The following AJAP1 variants were observed in gnomAD, a reference collection of about 807,000 sequenced individuals.
The protein encoded by AJAP1 is adherens junction-associated protein 1.
In AJAP1, 5 loss-of-function variants were observed where a neutral mutation model predicts 35.0. That is an observed-to-expected ratio of 0.14 (90% CI 0.07 to 0.30). The LOEUF (loss-of-function observed/expected upper bound fraction) is 0.30. Ranked by LOEUF, AJAP1 falls within the 10% of genes least tolerant of loss-of-function variation. The probability of loss-of-function intolerance (pLI) is 1.00; values close to 1 mark genes in which losing one functional copy is unlikely to be tolerated. For synonymous variants in AJAP1, 284 were observed against 249.3 expected, an observed-to-expected ratio of 1.14 and a Z score of -1.31; for missense variants, 586 against 571.0, an observed-to-expected ratio of 1.03 and a Z score of -0.27.
chr1:4,746,960 C>A lies in AJAP1; in HGVS notation c.830-22893C>A, dbSNP rs371554876. Among the ~76,000 whole-genome samples, 59 of 152,320 alleles carry A rather than the reference C, an allele frequency of 3.9e-4. 1 individual carries two copies. The highest frequency in any genetic ancestry group is 1.3e-3 in the African/African-American group (52 of 41,570). The stretch of plus-strand genomic sequence containing the variant: ...TGATAGGAGCGCCAAGGTAAAAGCA[C>A]CAGATTAGTCTGCAGAGAAGAGATT... On this transcript the variant is annotated intron_variant, in intron 2 of 5. Coordinates refer to ENST00000378191, the MANE Select transcript of AJAP1 (RefSeq NM_018836.4).
chr1:4,694,830 G>A (rs1387430491), intron 1 of AJAP1, among the ~76,000 whole-genome samples: 3 of 152,190 alleles, frequency 2.0e-5, no homozygotes, highest in Non-Finnish European at 4.4e-5. Context: ...TGAGCACAGT[G>A]GAAGCGAACA....
At chr1:4,688,121 T>G (rs1257953006) in intron 1 of AJAP1, among the ~76,000 whole-genome samples, 5 of 152,138 alleles carry the variant, frequency 3.3e-5, no homozygotes, top group Non-Finnish European at 7.4e-5. Context: ...GAGGCTGGGC[T>G]GTGCTGGACG....
chr1:4,700,613 T>G (rs1210885851), intron 1 of AJAP1, among the ~76,000 whole-genome samples: 1 of 152,186 alleles, frequency 6.6e-6, no homozygotes, highest in Admixed American at 6.5e-5. Flanking sequence ...GTCTGTCCCT[T>G]TGCTCAGGGG....
In AJAP1 at chr1:4,712,234, G is replaced by C. The variant is rs1423144396; in HGVS notation, c.364G>C (p.Ala122Pro). ...VPKAGLAKPP[A>P]AAKSSPSLAS... Reference sequence around the variant, plus strand: ...CAAGGCAGGACTGGCCAAGCCCCCAGCTGCTGCCAAATCCAGCCCTTCCCT... The same window carrying C: ...CAAGGCAGGACTGGCCAAGCCCCCACCTGCTGCCAAATCCAGCCCTTCCCT... The change falls in exon 2 of 6, where the codon GCT (alanine) becomes CCT (proline). Residue 122 changes from alanine to proline, a missense_variant. Physicochemically the swap from Ala to Pro is conservative, Grantham distance 27. Transcript: ENST00000378191. 6.5e-7 allele frequency: 1 copy of C among 1,535,770 alleles called. No homozygotes were observed. Among genetic ancestry groups the C allele is most frequent in the East Asian group, 2.3e-5 (1 of 43,468 alleles).
At chr1:4,729,366 C>T (rs979625388) in intron 2 of AJAP1, among the ~76,000 whole-genome samples, 15 of 152,206 alleles carry the variant, frequency 9.9e-5, no homozygotes, top group African/African-American at 3.6e-4. Flanking sequence ...CCCTGTGAGA[C>T]TTGGAGCTGC....
intron 2 of AJAP1, among the ~76,000 whole-genome samples, chr1:4,760,590 C>G (rs983240204): frequency 6.6e-6 from 1 of 152,218 alleles, no homozygotes; most frequent in Non-Finnish European, 1.5e-5. Flanking sequence ...CCACATTTCC[C>G]GGCCACGATG....
At chr1:4,779,208 A>G (rs964020610) in intron 5 of AJAP1, among the ~76,000 whole-genome samples, 3 of 152,208 alleles carry the variant, frequency 2.0e-5, no homozygotes, top group Non-Finnish European at 2.9e-5. Context: ...TGCAACTTGA[A>G]ATCAGGGAAG....
rs1196162889 is a variant in AJAP1 at position 4,787,394 on chromosome 1, AC to A, written c.*4910del. 2 of 272,486 alleles carry A rather than the reference AC, an allele frequency of 7.3e-6. No homozygotes were observed. The highest frequency in any genetic ancestry group is 6.2e-5 in the South Asian group (2 of 32,156). The allele number at this position is 272,486 out of a possible 1,614,324, so 16.9% of individuals were successfully genotyped here. ...GAAGAAAGAGAGGCAGGGGTTGTCT[AC>A]GTCTCCTCCTCCTGCGACCCATCAC... On this transcript the variant is annotated 3_prime_UTR_variant, in exon 6 of 6. Coordinates refer to ENST00000378191, the MANE Select transcript of AJAP1 (RefSeq NM_018836.4).
At position 4,712,240 on chromosome 1, in the gene AJAP1, G is replaced by A. The variant is rs1441808548; in HGVS notation, c.370G>A (p.Ala124Thr). ...KAGLAKPPAA[A>T]KSSPSLASSS... ...AGGACTGGCCAAGCCCCCAGCTGCT[G>A]CCAAATCCAGCCCTTCCCTCGCCTC... The change falls in exon 2 of 6, where the codon GCC (alanine) becomes ACC (threonine). Residue 124 changes from alanine (A) to threonine (T), a missense_variant. Coordinates refer to ENST00000378191, the MANE Select transcript of AJAP1 (RefSeq NM_018836.4). 1 of 1,531,104 alleles carries A rather than the reference G, an allele frequency of 6.5e-7. No homozygotes were observed. Among genetic ancestry groups the A allele is most frequent in the East Asian group, 2.3e-5 (1 of 43,394 alleles). The allele number at this position is 1,531,104 out of a possible 1,614,324, so 94.8% of individuals were successfully genotyped here. A position where few individuals can be genotyped will look rare whatever the true frequency, so the allele number is the denominator to read the frequency against.
At chr1:4,682,050 G>A (rs1434655338) in intron 1 of AJAP1, among the ~76,000 whole-genome samples, 1 of 152,202 alleles carries the variant, frequency 6.6e-6, no homozygotes, top group Non-Finnish European at 1.5e-5. Flanking sequence ...AAGTGCCAGG[G>A]CTGGGATCAC....
chr1:4,775,142 G>T (rs1299999653), intron 5 of AJAP1, among the ~76,000 whole-genome samples: 1 of 152,180 alleles, frequency 6.6e-6, no homozygotes, highest in Non-Finnish European at 1.5e-5. Flanking sequence ...AATTTTCCAC[G>T]CTCTGCTGGA....
At chr1:4,705,334 C>A (rs1640077489) in intron 1 of AJAP1, among the ~76,000 whole-genome samples, 1 of 136,822 alleles carries the variant, frequency 7.3e-6, no homozygotes, top group Admixed American at 7.6e-5. Flanking sequence ...TGGGCAAGGA[C>A]TTCATGTCTA....
intron 2 of AJAP1, among the ~76,000 whole-genome samples, chr1:4,750,640 G>A (rs143940890): frequency 1.2e-3 from 175 of 151,880 alleles, no homozygotes; most frequent in African/African-American, 4.1e-3. Context: ...TAGGAGCAGG[G>A]CTGGAGGTAG....
In AJAP1 at chr1:4,784,735, G is replaced by C. The variant is rs1383083193; in HGVS notation, c.*2250G>C. The C allele has an allele frequency of 6.6e-6, 1 of 152,248 alleles. No individual in the cohort carries two copies. Among genetic ancestry groups the C allele is most frequent in the Non-Finnish European group, 1.5e-5 (1 of 68,074 alleles). The allele number at this position is 152,248 out of a possible 1,614,324, so 9.4% of individuals were successfully genotyped here. A position where few individuals can be genotyped will look rare whatever the true frequency, so the allele number is the denominator to read the frequency against. On this transcript the variant is annotated 3_prime_UTR_variant, in exon 6 of 6. Transcript: ENST00000378191. ...GTCATTTATTTTCCCCCCAAGCTTTGGCACATCCTGAGACAATGCAAACAT... is the reference window on the plus strand; with the variant it reads ...GTCATTTATTTTCCCCCCAAGCTTTCGCACATCCTGAGACAATGCAAACAT...
intron 1 of AJAP1, among the ~76,000 whole-genome samples, chr1:4,705,771 A>C (rs1019963675): frequency 3.3e-5 from 5 of 152,096 alleles, no homozygotes; most frequent in African/African-American, 1.2e-4. Flanking sequence ...GCCACAGAGA[A>C]AGCCTGAGAA....
intron 1 of AJAP1, among the ~76,000 whole-genome samples, chr1:4,706,593 C>G (rs1463173299): frequency 6.6e-6 from 1 of 152,160 alleles, no homozygotes; most frequent in Non-Finnish European, 1.5e-5. Flanking sequence ...GGGCTGTTCC[C>G]CGGTGGAACA....
chr1:4,748,953 A>G (rs1461431327), intron 2 of AJAP1, among the ~76,000 whole-genome samples: 2 of 152,084 alleles, frequency 1.3e-5, no homozygotes, highest in Admixed American at 6.5e-5. Context: ...ACTGTGAGAA[A>G]TAAGTCTGTG....
At chr1:4,710,867 T>G (rs1047897187) in intron 1 of AJAP1, among the ~76,000 whole-genome samples, 2 of 152,128 alleles carry the variant, frequency 1.3e-5, no homozygotes, top group Non-Finnish European at 2.9e-5. Context: ...AGTCCACTGG[T>G]CCAGAGGCGA....
At chr1:4,770,425 G>A (rs16839634) in intron 3 of AJAP1, among the ~76,000 whole-genome samples, 41,371 of 152,024 alleles carry the variant, frequency 0.27, 6,127 homozygotes, top group Admixed American at 0.36. Context: ...CTAGGTTACC[G>A]CTTTGCTCTA....
Sources: allele counts gnomAD v4.1 joint callset (sites outside exome capture counted in the v4.1 genomes callset), GRCh38; gene constraint gnomAD v4.1.1; transcripts MANE v1.5; gene names NCBI Gene and HGNC (gene_info 2026-07-23, HGNC 2026-07-21).